PIGN: variants seen among roughly 807,000 people sequenced by gnomAD.
PIGN encodes the protein phosphatidylinositol glycan anchor biosynthesis class N, also known as GPI ethanolamine phosphate transferase 1.
A neutral mutation model predicts 125.4 loss-of-function variants in PIGN; 117 were observed. The ratio of observed to expected loss-of-function variants is 0.93; its 90% CI spans 0.80 to 1.09. The LOEUF (loss-of-function observed/expected upper bound fraction) is 1.09. Ranked by LOEUF, PIGN falls within the 50% of genes least tolerant of loss-of-function variation. PIGN has a pLI of 0.00. For missense variants in PIGN, 1,075 were observed against 1,094.9 expected (o/e 0.98, Z 0.26); for synonymous variants, 392 against 377.8 (o/e 1.04, Z -0.44).
At position 62,148,259 on chromosome 18, in the gene PIGN, A is replaced by T; in HGVS notation, c.629T>A (p.Leu210Ter). The T allele has an allele frequency of 6.5e-7, 1 of 1,538,726 alleles. No homozygotes were observed. Among genetic ancestry groups the T allele is most frequent in the East Asian group, 2.5e-5 (1 of 40,480 alleles). Residue 210 changes from leucine (L) to a stop codon, truncating the protein, a stop_gained, in exon 8 of 31, where the codon TTA becomes TAA. Coordinates refer to ENST00000640252, the MANE Select transcript of PIGN (RefSeq NM_176787.5). LOFTEE classifies it high-confidence loss of function. ...NEEKIVFFLH[L>*]LGIDTNGHAH... ...ATGTCCGTTTGTATCTATTCCTAAT[A>T]AATGTAAGAAAAAAACTATTTTCTC...
At chr18:62,117,303 T>C (rs572301073) in intron 14 of PIGN, among the ~76,000 whole-genome samples, 35 of 152,166 alleles carry the variant, frequency 2.3e-4, no homozygotes, top group African/African-American at 7.2e-4. Context: ...ATATAAAGTC[T>C]AGAATATAGA....
intron 1 of PIGN, among the ~76,000 whole-genome samples, chr18:62,183,716 T>C (rs1418905929): frequency 6.6e-6 from 1 of 152,172 alleles, no homozygotes; most frequent in African/African-American, 2.4e-5. Flanking sequence ...AGGACTCAAA[T>C]GTTTGCTGAA....
intron 7 of PIGN, among the ~76,000 whole-genome samples, chr18:62,150,760 C>T (rs933319491): frequency 2.0e-5 from 3 of 152,068 alleles, no homozygotes; most frequent in Non-Finnish European, 4.4e-5. Context: ...AGTGCAATGG[C>T]GCAATCTCGG....
At chr18:62,067,831 G>A (rs1221669765) in intron 30 of PIGN, among the ~76,000 whole-genome samples, 46 of 152,150 alleles carry the variant, frequency 3.0e-4, no homozygotes, top group Admixed American at 3.0e-3. Context: ...CTTCTCTTGG[G>A]TACCTAGGCA....
intron 14 of PIGN, among the ~76,000 whole-genome samples, chr18:62,132,808 T>C (rs1039549643): frequency 6.6e-6 from 1 of 152,238 alleles, no homozygotes; most frequent in African/African-American, 2.4e-5. Context: ...CTTTAATCAA[T>C]GTAGAATTTA....
intron 14 of PIGN, among the ~76,000 whole-genome samples, chr18:62,127,982 G>C (rs1385270014): frequency 3.3e-5 from 5 of 152,042 alleles, no homozygotes; most frequent in Non-Finnish European, 7.4e-5. Context: ...AACTACACAT[G>C]GAAAACATAC....
chr18:62,152,148 A>T (rs1409131978), intron 7 of PIGN, among the ~76,000 whole-genome samples: 7 of 152,246 alleles, frequency 4.6e-5, no homozygotes, highest in African/African-American at 1.7e-4. Flanking sequence ...TCCGGTTGGC[A>T]ATTGGTTGAG....
chr18:62,134,615 T>C (rs1328431333), intron 14 of PIGN, among the ~76,000 whole-genome samples: 1 of 152,218 alleles, frequency 6.6e-6, no homozygotes, highest in East Asian at 1.9e-4. Flanking sequence ...CCCTGCTTTG[T>C]CCAAGGATTG....
chr18:62,147,122 G>A, intron 8 of PIGN, 21 bp from the exon 9 acceptor site: 4 of 1,567,976 alleles, frequency 2.6e-6, no homozygotes, highest in East Asian at 2.3e-5. Flanking sequence ...AGAAACAGAG[G>A]AACAAATTAA....
Position 62,114,655 on chromosome 18 carries a change from AG to A in PIGN, c.1173-17del. 1 of 1,300,786 alleles carries A rather than the reference AG, an allele frequency of 7.7e-7. No homozygotes were observed. The allele number at this position is 1,300,786 out of a possible 1,614,324, so 80.6% of individuals were successfully genotyped here. A position where few individuals can be genotyped will look rare whatever the true frequency, so the allele number is the denominator to read the frequency against. On this transcript the variant is annotated splice_polypyrimidine_tract_variant and intron_variant, in intron 14 of 30. Coordinates refer to ENST00000640252, the MANE Select transcript of PIGN (RefSeq NM_176787.5). ...AGAAAGCAGTCTATATATAAAAAAA[AG>A]AATAGGTTTAAAGGGTTTCCTCATT...
chr18:62,029,031 A>C (rs1203372945), intron 23 of PIGN, among the ~76,000 whole-genome samples: 3 of 152,212 alleles, frequency 2.0e-5, no homozygotes, highest in Admixed American at 6.5e-5. Context: ...GGGACAAGCC[A>C]CTGGACTGCG....
At chr18:62,022,204 T>C (rs2030061482) in intron 23 of PIGN, among the ~76,000 whole-genome samples, 2 of 152,316 alleles carry the variant, frequency 1.3e-5, no homozygotes, top group Middle Eastern at 3.4e-3. Flanking sequence ...GGGGATCATA[T>C]ACAGTCTTTA....
chr18:62,121,056 T>C (rs1300462243), intron 14 of PIGN, among the ~76,000 whole-genome samples: 1 of 152,194 alleles, frequency 6.6e-6, no homozygotes, highest in Non-Finnish European at 1.5e-5. Flanking sequence ...ATTATACTAA[T>C]ATAAGTCCAG....
chr18:62,106,650 C>T (rs1325153877), intron 19 of PIGN, 139 bp downstream of exon 19: 1 of 620,918 alleles, frequency 1.6e-6, no homozygotes, highest in Admixed American at 3.0e-5. Flanking sequence ...AATGTCAGTC[C>T]TCCTATCAAT....
intron 1 of PIGN, among the ~76,000 whole-genome samples, chr18:62,167,507 C>T (rs1215380969): frequency 2.0e-5 from 3 of 151,350 alleles, no homozygotes; most frequent in Non-Finnish European, 4.4e-5. Context: ...TGGTGCACAC[C>T]TGTGGTCTCA....
downstream of PIGN, among the ~76,000 whole-genome samples, chr18:62,038,308 GT>G (rs34436733): frequency 5.7e-4 from 68 of 120,092 alleles, no homozygotes; most frequent in African/African-American, 1.6e-3. Flanking sequence ...CCCCCTCCGT[GT>G]TTTTTTTTTT....
intron 5 of PIGN, 91 bp downstream of exon 5, chr18:62,157,596 T>C: frequency 6.5e-6 from 8 of 1,223,520 alleles, no homozygotes; most frequent in South Asian, 2.6e-5. Context: ...TCTCAAAACA[T>C]ACCTTCACTT....
intron 28 of PIGN, among the ~76,000 whole-genome samples, chr18:62,080,753 T>C (rs2033410820): frequency 6.6e-6 from 1 of 152,120 alleles, no homozygotes; most frequent in Non-Finnish European, 1.5e-5. Flanking sequence ...ATCACAGAGT[T>C]ATGGGCTGCC....
At chr18:62,104,145 T>C (rs2034550247) in intron 20 of PIGN, among the ~76,000 whole-genome samples, 1 of 152,142 alleles carries the variant, frequency 6.6e-6, no homozygotes, top group Non-Finnish European at 1.5e-5. Flanking sequence ...CAAATATAGC[T>C]AGTAGGATAA....
Sources: allele counts gnomAD v4.1 joint callset (sites outside exome capture counted in the v4.1 genomes callset), GRCh38; gene constraint gnomAD v4.1.1; transcripts MANE v1.5; gene names NCBI Gene and HGNC (gene_info 2026-07-23, HGNC 2026-07-21).